Variants in SNX5 observed in about 807,000 individuals in gnomAD.
The protein encoded by SNX5 is sorting nexin-5.
A neutral mutation model predicts 53.9 loss-of-function variants in SNX5; 31 were observed. The observed-to-expected ratio is 0.58, with a 90% confidence interval of 0.43 to 0.78. The LOEUF (loss-of-function observed/expected upper bound fraction) is 0.78. SNX5 is among the 30% of genes least tolerant of loss of function. The pLI is 0.00. For synonymous variants in SNX5, 168 were observed against 171.1 expected (o/e 0.98, Z 0.14); for missense variants, 471 against 478.8 (o/e 0.98, Z 0.15).
intron 11 of SNX5, chr20:17,944,292 T>C (rs1028394688): frequency 6.6e-6 from 1 of 152,142 alleles, no homozygotes; most frequent in Non-Finnish European, 1.5e-5. Flanking sequence ...CAGTCAATAA[T>C]ATATATTGAA....
In SNX5 at chr20:17,941,747, C is replaced by T. The variant is rs1021524020; in HGVS notation, c.*610G>A. On this transcript the variant is annotated 3_prime_UTR_variant, in exon 13 of 13. Coordinates refer to ENST00000377759, the MANE Select transcript of SNX5 (RefSeq NM_014426.4). The stretch of plus-strand genomic sequence containing the variant: ...TCTGGCCATCTTATAAAGCAGACCA[C>T]ATTATTTGTTTCCATATATACCTGT... 6.6e-6 allele frequency: 1 copy of T among 152,202 alleles called. No individual in the cohort carries two copies. Among genetic ancestry groups the T allele is most frequent in the African/African-American group, 2.4e-5 (1 of 41,468 alleles). The allele number at this position is 152,202 out of a possible 1,614,324, so 9.4% of individuals were successfully genotyped here.
intron 10 of SNX5, among the ~76,000 whole-genome samples, chr20:17,948,504 T>G (rs570618610): frequency 1.3e-5 from 2 of 152,254 alleles, no homozygotes; most frequent in African/African-American, 4.8e-5. Flanking sequence ...TTCAGGGCAA[T>G]GCAGACAAAG....
chr20:17,950,174 C>A lies in SNX5; in HGVS notation c.749G>T (p.Cys250Phe). Residue 250 changes from cysteine (C) to phenylalanine (F), a missense_variant, in exon 8 of 13, where the codon TGC becomes TTC. By Grantham distance (205) the Cys-to-Phe change is radical. Coordinates refer to ENST00000377759, the MANE Select transcript of SNX5 (RefSeq NM_014426.4). ...VADDYIHTAA[C>F]LHSLALEEPT... ...CTCTTCTAAAGCCAGGCTATGTAAG[C>A]AGGCTGCGGTGTGGATATAGTCATC... The A allele has an allele frequency of 6.2e-7, 1 of 1,614,208 alleles. No individual in the cohort carries two copies. Among genetic ancestry groups the A allele is most frequent in the Non-Finnish European group, 8.5e-7 (1 of 1,180,024 alleles).
intron 1 of SNX5, among the ~76,000 whole-genome samples, 157 bp from the exon 2 acceptor site, chr20:17,957,194 G>C (rs992465838): frequency 6.6e-6 from 1 of 152,148 alleles, no homozygotes; most frequent in Non-Finnish European, 1.5e-5. Context: ...CCAGCACTTT[G>C]GGAGGCCAAG....
rs3790296 is a variant in SNX5 at position 17,959,014 on chromosome 20, G to A, written c.52-1977C>T. Among the ~76,000 whole-genome samples the A allele has an allele frequency of 4.8e-3, 730 of 152,236 alleles. 22 individuals are homozygous for A. The East Asian group carries it at 0.074, about 15-fold the overall frequency. On this transcript the variant is annotated intron_variant, in intron 1 of 12. Transcript: ENST00000377759. Reference sequence around the variant, plus strand: ...GGACAGGTCTAAGGTGCCTTTCCCAGAGCTCAAAAACTGCCACATTTCCTA... The same window carrying A: ...GGACAGGTCTAAGGTGCCTTTCCCAAAGCTCAAAAACTGCCACATTTCCTA...
chr20:17,968,240 G>A (rs1003780201), intron 1 of SNX5, 135 bp downstream of exon 1: 10 of 652,592 alleles, frequency 1.5e-5, no homozygotes, highest in African/African-American at 3.8e-5. Context: ...GGGGCCGCCC[G>A]GGTCTCACGG....
chr20:17,960,054 C>T (rs1555787439), intron 1 of SNX5, among the ~76,000 whole-genome samples: 1 of 152,180 alleles, frequency 6.6e-6, no homozygotes, highest in Non-Finnish European at 1.5e-5. Flanking sequence ...CAAGTCCAGC[C>T]TTGGGCATGC....
chr20:17,968,154 C>T (rs942572411), intron 1 of SNX5: 1 of 403,920 alleles, frequency 2.5e-6, no homozygotes, highest in East Asian at 3.6e-5. Context: ...GGTCCCGCGT[C>T]TCTGGTTCTG....
Position 17,951,574 on chromosome 20 carries a change from TA to T in SNX5, c.534del (p.Asn178LysfsTer14). On this transcript the variant is annotated frameshift_variant, in exon 6 of 13. Transcript: ENST00000377759. LOFTEE classifies it high-confidence loss of function. ...AAGAAGCCACCAAACATCTCTTTAG[TA>T]TTTTTCCGCCTAACACTTAGCTAAA... The part of the protein sequence containing the change: ...YDQDLSVRRK[N>X]TKEMFGGFFK... The T allele has an allele frequency of 6.2e-7, 1 of 1,612,038 alleles. No individual in the cohort carries two copies. Among genetic ancestry groups the T allele is most frequent in the Non-Finnish European group, 8.5e-7 (1 of 1,178,686 alleles).
intron 2 of SNX5, among the ~76,000 whole-genome samples, chr20:17,956,201 T>C (rs1032942502): frequency 6.6e-6 from 1 of 152,232 alleles, no homozygotes; most frequent in Non-Finnish European, 1.5e-5. Context: ...GTCCCTGGCT[T>C]CCTTCCTTTT....
chr20:17,946,906 C>T (rs1485307294), intron 11 of SNX5, among the ~76,000 whole-genome samples: 1 of 152,110 alleles, frequency 6.6e-6, no homozygotes, highest in Non-Finnish European at 1.5e-5. Flanking sequence ...GAAGTGACAC[C>T]CCAATAAGGG....
Position 17,941,614 on chromosome 20 carries a change from A to G in SNX5, c.*743T>C, listed in dbSNP as rs1273259844. 6.6e-6 allele frequency: 1 copy of G among 151,978 alleles called. No homozygotes were observed. The highest frequency in any genetic ancestry group is 2.4e-5 in the African/African-American group (1 of 41,406). The allele number at this position is 151,978 out of a possible 1,614,324, so 9.4% of individuals were successfully genotyped here. A position where few individuals can be genotyped will look rare whatever the true frequency, so the allele number is the denominator to read the frequency against. Reference sequence around the variant, plus strand: ...CAGGCCGTACATTAGTAGCACGATTATTTTATTATATGCTTTATAAAAAAA... The same window carrying G: ...CAGGCCGTACATTAGTAGCACGATTGTTTTATTATATGCTTTATAAAAAAA... On this transcript the variant is annotated 3_prime_UTR_variant, in exon 13 of 13. Transcript: ENST00000377759.
At chr20:17,946,791 G>A (rs367608365) in intron 11 of SNX5, among the ~76,000 whole-genome samples, 4 of 152,258 alleles carry the variant, frequency 2.6e-5, no homozygotes, top group Admixed American at 1.3e-4. Context: ...AGATTGATGG[G>A]GGTTAAAATA....
chr20:17,961,604 TAC>T (rs2035451028), intron 1 of SNX5: 2 of 967,242 alleles, frequency 2.1e-6, no homozygotes, highest in African/African-American at 1.8e-5. Flanking sequence ...CATAAATTAC[TAC>T]AGATAGGATA....
At chr20:17,959,647 A>T (rs1057340562) in intron 1 of SNX5, among the ~76,000 whole-genome samples, 2 of 152,084 alleles carry the variant, frequency 1.3e-5, no homozygotes, top group African/African-American at 4.8e-5. Context: ...GCCATCATTA[A>T]CTCAATGTCC....
chr20:17,954,275 T>C, intron 3 of SNX5, 158 bp from the exon 4 acceptor site: 2 of 1,165,440 alleles, frequency 1.7e-6, no homozygotes, highest in Non-Finnish European at 2.3e-6. Context: ...CTTCCTTAAC[T>C]CTTCTGGACA....
chr20:17,957,615 C>T lies in SNX5; in HGVS notation c.52-578G>A, dbSNP rs2035383735. ...ATGTACAATACATTTGGCCAAATAC[C>T]TGACTGTACACTAAGGCCTGAACTA... is the stretch of plus-strand genomic sequence containing the variant. On this transcript the variant is annotated intron_variant, in intron 1 of 12. Coordinates refer to ENST00000377759, the MANE Select transcript of SNX5 (RefSeq NM_014426.4). Among the ~76,000 whole-genome samples, 3 of 152,026 alleles carry T rather than the reference C, an allele frequency of 2.0e-5. No homozygotes were observed. The South Asian group carries it at 6.2e-4, about 32-fold the overall frequency.
rs775573928 is a variant in SNX5 at position 17,941,758 on chromosome 20, T to C, written c.*599A>G. On this transcript the variant is annotated 3_prime_UTR_variant, in exon 13 of 13. Coordinates refer to ENST00000377759, the MANE Select transcript of SNX5 (RefSeq NM_014426.4). ...TATAAAGCAGACCACATTATTTGTT[T>C]CCATATATACCTGTAGATATTTCTC... is the stretch of plus-strand genomic sequence containing the variant. The C allele has an allele frequency of 6.6e-6, 1 of 152,418 alleles. No homozygotes were observed. The highest frequency in any genetic ancestry group is 1.5e-5 in the Non-Finnish European group (1 of 68,234). 9.4% of individuals were successfully genotyped at this position (152,418 alleles called of 1,614,324 possible). A position where few individuals can be genotyped will look rare whatever the true frequency, so the allele number is the denominator to read the frequency against.
intron 2 of SNX5, among the ~76,000 whole-genome samples, chr20:17,956,673 C>CAAAAAAAAAAAAAAAAAA (rs59252584): frequency 1.3e-4 from 11 of 84,878 alleles, no homozygotes; most frequent in African/African-American, 3.3e-4. Context: ...AGACTGTCTC[C>CAAAAAAAAAAAAAAAAAA]AAAAAAAAAA....
Sources: gnomAD v4.1 joint callset for allele counts (sites outside exome capture counted in the v4.1 genomes callset) on GRCh38, gnomAD v4.1.1 for gene constraint, MANE v1.5 for transcripts, NCBI Gene and HGNC (gene_info 2026-07-23, HGNC 2026-07-21) for gene names.